Variants in HMBOX1 observed in about 807,000 individuals in gnomAD.
HMBOX1 encodes the protein homeobox-containing protein 1.
A neutral mutation model predicts 54.5 loss-of-function variants in HMBOX1; 14 were observed. The observed-to-expected ratio is 0.26, with a 90% confidence interval of 0.17 to 0.40. The LOEUF is 0.40. Among genes scored for constraint, HMBOX1 ranks in the 10% least tolerant of loss-of-function variants. The probability of loss-of-function intolerance (pLI) is 1.00; values close to 1 mark genes in which losing one functional copy is unlikely to be tolerated. For synonymous variants in HMBOX1, 160 were observed against 181.0 expected, an observed-to-expected ratio of 0.88 and a Z score of 0.93; for missense variants, 332 against 514.4, an observed-to-expected ratio of 0.65 and a Z score of 3.43.
At chr8:28,948,948 T>G (rs1239865557) in intron 1 of HMBOX1, among the ~76,000 whole-genome samples, 1 of 152,200 alleles carries the variant, frequency 6.6e-6, no homozygotes, top group Non-Finnish European at 1.5e-5. Context: ...AGTAATTGTT[T>G]ATTATACTCT....
chr8:28,986,453 AC>A (rs1437012219), intron 4 of HMBOX1, among the ~76,000 whole-genome samples: 1 of 152,198 alleles, frequency 6.6e-6, no homozygotes, highest in African/African-American at 2.4e-5. Flanking sequence ...TTATAATACA[AC>A]CAGAAATAAT....
intron 5 of HMBOX1, among the ~76,000 whole-genome samples, chr8:29,016,906 G>C (rs1051590307): frequency 9.9e-5 from 15 of 152,220 alleles, no homozygotes; most frequent in Non-Finnish European, 1.3e-4. Flanking sequence ...GCTGTTGGTC[G>C]CACAGCCTAA....
intron 6 of HMBOX1, among the ~76,000 whole-genome samples, chr8:29,033,161 G>A (rs371078741): frequency 2.0e-5 from 3 of 152,226 alleles, no homozygotes; most frequent in South Asian, 2.1e-4. Flanking sequence ...TGCCACCACC[G>A]CAACCCCTGG....
chr8:29,028,460 G>C (rs1371939710), intron 6 of HMBOX1, among the ~76,000 whole-genome samples: 1 of 152,100 alleles, frequency 6.6e-6, no homozygotes, highest in East Asian at 1.9e-4. Flanking sequence ...AATTTTCTTG[G>C]TTTTCACTGC....
chr8:28,982,003 C>G (rs889712503), intron 4 of HMBOX1, among the ~76,000 whole-genome samples: 1 of 151,992 alleles, frequency 6.6e-6, no homozygotes, highest in African/African-American at 2.4e-5. Flanking sequence ...TTTGGGAGGC[C>G]GAGGCAGGCA....
chr8:28,938,619 T>G (rs1000366558), intron 1 of HMBOX1, among the ~76,000 whole-genome samples: 16 of 151,876 alleles, frequency 1.1e-4, no homozygotes, highest in Admixed American at 9.8e-4. Flanking sequence ...GCAATTTTTT[T>G]TTTTTTTTGG....
At chr8:28,982,212 G>A (rs1416575250) in intron 4 of HMBOX1, among the ~76,000 whole-genome samples, 5 of 152,124 alleles carry the variant, frequency 3.3e-5, no homozygotes, top group Non-Finnish European at 5.9e-5. Context: ...CAGCCTGGGC[G>A]ACAGAGCGAG....
intron 4 of HMBOX1, among the ~76,000 whole-genome samples, chr8:28,995,960 G>A (rs1317707784): frequency 2.0e-5 from 3 of 152,034 alleles, no homozygotes; most frequent in Non-Finnish European, 4.4e-5. Context: ...CAAAACATTA[G>A]CCGGGCGTGG....
At chr8:28,908,337 A>G (rs968933669) in intron 1 of HMBOX1, among the ~76,000 whole-genome samples, 6 of 152,226 alleles carry the variant, frequency 3.9e-5, no homozygotes, top group Non-Finnish European at 8.8e-5. Context: ...GCAAATTCAA[A>G]CCTACTTTTT....
chr8:29,037,284 AC>A (rs1160805444), intron 6 of HMBOX1, among the ~76,000 whole-genome samples: 1 of 152,228 alleles, frequency 6.6e-6, no homozygotes, highest in African/African-American at 2.4e-5. Context: ...TGCAAAACAA[AC>A]TTTTAAAATG....
intron 1 of HMBOX1, among the ~76,000 whole-genome samples, chr8:28,947,211 A>G (rs1232755432): frequency 3.9e-5 from 6 of 152,184 alleles, no homozygotes; most frequent in Admixed American, 6.5e-5. Context: ...ATAACTCTCT[A>G]TAGTAGACTC....
chr8:28,952,965 C>T (rs1702502614), intron 1 of HMBOX1, among the ~76,000 whole-genome samples: 1 of 152,216 alleles, frequency 6.6e-6, no homozygotes, highest in African/African-American at 2.4e-5. Context: ...GTGAAGCCTA[C>T]TATAGCAGAA....
intron 4 of HMBOX1, among the ~76,000 whole-genome samples, chr8:28,983,766 A>G (rs1829768404): frequency 6.6e-6 from 1 of 152,190 alleles, no homozygotes; most frequent in Non-Finnish European, 1.5e-5. Flanking sequence ...CAAAAATAAT[A>G]ATTCATTTGC....
At chr8:28,978,163 G>GT (rs1329400095) in intron 3 of HMBOX1, among the ~76,000 whole-genome samples, 7 of 152,102 alleles carry the variant, frequency 4.6e-5, no homozygotes, top group Non-Finnish European at 5.9e-5. Flanking sequence ...TGACCTCTCT[G>GT]TTTTTTTCCA....
At chr8:28,952,025 A>G (rs1266930320) in intron 1 of HMBOX1, among the ~76,000 whole-genome samples, 1 of 152,120 alleles carries the variant, frequency 6.6e-6, no homozygotes, top group Admixed American at 6.5e-5. Flanking sequence ...TTTTTTTAAA[A>G]ATCAGCTGGG....
chr8:28,989,041 G>A (rs1244631904), intron 4 of HMBOX1, among the ~76,000 whole-genome samples: 2 of 152,152 alleles, frequency 1.3e-5, no homozygotes, highest in Non-Finnish European at 2.9e-5. Flanking sequence ...GGGAGGCCGA[G>A]GCGGGCGAAT....
chr8:28,981,229 A>G (rs535592721), intron 4 of HMBOX1, among the ~76,000 whole-genome samples: 1 of 152,310 alleles, frequency 6.6e-6, no homozygotes, highest in Admixed American at 6.5e-5. Flanking sequence ...GTGTGTGTTT[A>G]ATATATTACA....
intron 6 of HMBOX1, among the ~76,000 whole-genome samples, chr8:29,034,738 T>G (rs1803572468): frequency 6.6e-6 from 1 of 152,132 alleles, no homozygotes; most frequent in African/African-American, 2.4e-5. Context: ...ATGCCTGTAA[T>G]CCCAGCTACT....
intron 1 of HMBOX1, among the ~76,000 whole-genome samples, chr8:28,905,529 C>G (rs1814162593): frequency 6.6e-6 from 1 of 152,206 alleles, no homozygotes; most frequent in African/African-American, 2.4e-5. Context: ...GATAATAATG[C>G]TCTTCACTCT....
Sources: allele counts gnomAD v4.1 joint callset (sites outside exome capture counted in the v4.1 genomes callset), GRCh38; gene constraint gnomAD v4.1.1; transcripts MANE v1.5; gene names NCBI Gene and HGNC (gene_info 2026-07-23, HGNC 2026-07-21).